BMPR1A: variants seen among roughly 807,000 people sequenced by gnomAD.
BMPR1A encodes the protein bone morphogenetic protein receptor type 1A, also known as bone morphogenetic protein receptor type-1A.
In BMPR1A, 7 loss-of-function variants were observed where a neutral mutation model predicts 66.0. The observed-to-expected ratio is 0.11, with a 90% CI of 0.06 to 0.20. The LOEUF (loss-of-function observed/expected upper bound fraction) is 0.20. Ranked by LOEUF, BMPR1A falls within the 10% of genes least tolerant of loss-of-function variation. The pLI is 1.00. For missense variants in BMPR1A, 408 were observed against 669.1 expected (o/e 0.61, Z 4.31); for synonymous variants, 200 against 229.7 (o/e 0.87, Z 1.17).
intron 1 of BMPR1A, among the ~76,000 whole-genome samples, chr10:86,825,750 T>C (rs945749051): frequency 1.6e-4 from 25 of 152,192 alleles, no homozygotes; most frequent in African/African-American, 5.8e-4. Context: ...GTACTGGGAT[T>C]ACAGGTGTGA....
At chr10:86,895,615 C>G (rs1424827609) in intron 5 of BMPR1A, among the ~76,000 whole-genome samples, 1 of 151,948 alleles carries the variant, frequency 6.6e-6, no homozygotes, top group Non-Finnish European at 1.5e-5. Flanking sequence ...AATACATTGT[C>G]TTGATGATGA....
At position 86,875,930 on chromosome 10, in the gene BMPR1A, A is replaced by G. The variant is rs1474028995; in HGVS notation, c.-89A>G. 1.6e-5 allele frequency: 18 copies of G among 1,127,682 alleles called. No individual in the cohort carries two copies. The highest frequency in any genetic ancestry group is 2.2e-5 in the Non-Finnish European group (16 of 743,104). The allele number at this position is 1,127,682 out of a possible 1,614,324, so 69.9% of individuals were successfully genotyped here. ...AGTGCTTGCGATCTTTTACAAGAAA[A>G]TCTCACTGAATGATAGTCATTTAAA... On this transcript the variant is annotated 5_prime_UTR_variant, in exon 3 of 13. Coordinates refer to ENST00000372037, the MANE Select transcript of BMPR1A (RefSeq NM_004329.3).
intron 10 of BMPR1A, among the ~76,000 whole-genome samples, chr10:86,919,848 C>T (rs1843636467): frequency 6.6e-6 from 1 of 152,102 alleles, no homozygotes; most frequent in African/African-American, 2.4e-5. Context: ...GCTGGGACTA[C>T]AGGCATGCAC....
At chr10:86,868,778 G>GTTTTTTTTTTTTTTTTTT (rs55872033) in intron 2 of BMPR1A, among the ~76,000 whole-genome samples, 3 of 141,046 alleles carry the variant, frequency 2.1e-5, no homozygotes, top group Admixed American at 7.0e-5. Context: ...CTTTTCCTGT[G>GTTTTTTTTTTTTTTTTTT]TTTTTTTTTT....
chr10:86,836,306 C>CCTTGA (rs1554883246), intron 1 of BMPR1A, among the ~76,000 whole-genome samples: 3 of 151,600 alleles, frequency 2.0e-5, no homozygotes, highest in African/African-American at 7.3e-5. Context: ...AAGGTCCTAA[C>CCTTGA]CTTTATTCAC....
At chr10:86,856,383 C>T (rs1842641405) in intron 2 of BMPR1A, 1 of 317,254 alleles carries the variant, frequency 3.2e-6, no homozygotes, top group Admixed American at 4.3e-5. Flanking sequence ...GCTCCAGAGT[C>T]TCGCCCCGAG....
downstream of BMPR1A, chr10:86,930,848 CT>C (rs1165682184): frequency 6.6e-6 from 1 of 152,230 alleles, no homozygotes; most frequent in East Asian, 1.9e-4. Flanking sequence ...TCAAGCCATC[CT>C]CCCACCTCAG....
At chr10:86,804,961 G>A (rs1271855289) in intron 1 of BMPR1A, among the ~76,000 whole-genome samples, 2 of 152,082 alleles carry the variant, frequency 1.3e-5, no homozygotes, top group Non-Finnish European at 2.9e-5. Flanking sequence ...TACCAGGGAA[G>A]GATCTGCTTC....
At chr10:86,834,026 A>G (rs1253148550) in intron 1 of BMPR1A, among the ~76,000 whole-genome samples, 3 of 152,210 alleles carry the variant, frequency 2.0e-5, no homozygotes, top group Admixed American at 6.5e-5. Flanking sequence ...ATTCAAACCC[A>G]GAATTGCATG....
At chr10:86,762,081 C>T (rs996567247) in intron 1 of BMPR1A, among the ~76,000 whole-genome samples, 3 of 152,138 alleles carry the variant, frequency 2.0e-5, no homozygotes, top group African/African-American at 7.2e-5. Flanking sequence ...AGCCCTAACT[C>T]AAGTTAGCTT....
chr10:86,845,350 C>T (rs1403818168), intron 2 of BMPR1A, among the ~76,000 whole-genome samples: 1 of 152,072 alleles, frequency 6.6e-6, no homozygotes, highest in South Asian at 2.1e-4. Flanking sequence ...CACCAAAGGA[C>T]AGGGAGCCTG....
intron 1 of BMPR1A, among the ~76,000 whole-genome samples, chr10:86,817,298 C>T (rs1296677605): frequency 6.6e-6 from 1 of 152,172 alleles, no homozygotes; most frequent in Non-Finnish European, 1.5e-5. Context: ...ACTGATGTCT[C>T]TATGATCTTG....
chr10:86,912,224 T>C lies in BMPR1A; in HGVS notation c.531-16T>C, dbSNP rs1375337533. ...TTTTCATTTTTAATGTAGATTGTTTTCTGCTTTTTTAAAAGACATTATTGC... is the reference window on the plus strand; with the variant it reads ...TTTTCATTTTTAATGTAGATTGTTTCCTGCTTTTTTAAAAGACATTATTGC... On this transcript the variant is annotated splice_polypyrimidine_tract_variant and intron_variant, in intron 7 of 12. Transcript: ENST00000372037. 2.5e-6 allele frequency: 4 copies of C among 1,612,404 alleles called. No homozygotes were observed. Among genetic ancestry groups the C allele is most frequent in the Non-Finnish European group, 1.7e-6 (2 of 1,179,720 alleles).
At chr10:86,845,922 G>A (rs1001178937) in intron 2 of BMPR1A, among the ~76,000 whole-genome samples, 22 of 151,892 alleles carry the variant, frequency 1.4e-4, no homozygotes, top group Non-Finnish European at 1.9e-4. Context: ...GCGTGGACTC[G>A]GGAGGTGGAG....
At chr10:86,833,538 T>C (rs1842302385) in intron 1 of BMPR1A, among the ~76,000 whole-genome samples, 1 of 152,158 alleles carries the variant, frequency 6.6e-6, no homozygotes. Context: ...TCCCAAGATT[T>C]TAAACTTCGG....
chr10:86,832,813 A>G (rs1842290641), intron 1 of BMPR1A, among the ~76,000 whole-genome samples: 1 of 152,186 alleles, frequency 6.6e-6, no homozygotes, highest in African/African-American at 2.4e-5. Flanking sequence ...GTGCTCAGCA[A>G]TTGATGGATG....
Position 86,760,263 on chromosome 10 carries a change from T to G in BMPR1A, c.-268+3344T>G, listed in dbSNP as rs1249697506. Among the ~76,000 whole-genome samples, 174 of 132,096 alleles carry G rather than the reference T, an allele frequency of 1.3e-3. 2 individuals are homozygous for G. The highest frequency in any genetic ancestry group is 4.7e-3 in the African/African-American group (168 of 35,792). 86.7% of individuals were successfully genotyped at this position (132,096 alleles called of 152,430 possible). On this transcript the variant is annotated intron_variant, in intron 1 of 12. Coordinates refer to ENST00000372037, the MANE Select transcript of BMPR1A (RefSeq NM_004329.3). ...TTCTTTCTTTCTTTTTTTTTTTTTT[T>G]TTTTTTTTGATACAGAGTCTCGCAC...
chr10:86,931,184 T>C (rs1484669019), downstream of BMPR1A: 1 of 144,240 alleles, frequency 6.9e-6, no homozygotes, highest in African/African-American at 2.6e-5. Flanking sequence ...GAGGTTGCAG[T>C]GAGCTGAGAT....
chr10:86,907,603 A>T (rs914734059), intron 7 of BMPR1A, among the ~76,000 whole-genome samples: 4 of 152,220 alleles, frequency 2.6e-5, no homozygotes, highest in Non-Finnish European at 4.4e-5. Flanking sequence ...GGATAAAGAA[A>T]ATGTGGTCCA....
Sources: gnomAD v4.1 joint callset for allele counts (sites outside exome capture counted in the v4.1 genomes callset) on GRCh38, gnomAD v4.1.1 for gene constraint, MANE v1.5 for transcripts, NCBI Gene and HGNC (gene_info 2026-07-23, HGNC 2026-07-21) for gene names.